Variants in MICAL3 observed in about 807,000 individuals in gnomAD.
MICAL3 encodes the protein [F-actin]-monooxygenase MICAL3.
A neutral mutation model predicts 207.4 loss-of-function variants in MICAL3; 62 were observed. The ratio of observed to expected loss-of-function variants is 0.30; its 90% CI spans 0.24 to 0.37. The LOEUF (loss-of-function observed/expected upper bound fraction) is 0.37. Among genes scored for constraint, MICAL3 ranks in the 10% least tolerant of loss-of-function variants. The pLI is 1.00. For synonymous variants in MICAL3, 1,077 were observed against 1,069.3 expected, an observed-to-expected ratio of 1.01 and a Z score of -0.14; for missense variants, 2,368 against 2,635.6, an observed-to-expected ratio of 0.90 and a Z score of 2.22.
chr22:17,897,867 C>T (rs911968832), intron 7 of MICAL3, among the ~76,000 whole-genome samples: 1 of 152,180 alleles, frequency 6.6e-6, no homozygotes, highest in South Asian at 2.1e-4. Context: ...GAACAAAGGA[C>T]TGAAAAACTC....
At chr22:17,844,824 G>T (rs768563) in intron 19 of MICAL3, among the ~76,000 whole-genome samples, 1 of 152,106 alleles carries the variant, frequency 6.6e-6, no homozygotes, top group South Asian at 2.1e-4. Context: ...ATGTGGACTA[G>T]AGGTAATGGC....
intron 29 of MICAL3, among the ~76,000 whole-genome samples, chr22:17,792,034 C>T (rs1003956093): frequency 6.6e-6 from 1 of 152,198 alleles, no homozygotes; most frequent in Non-Finnish European, 1.5e-5. Context: ...CTGGTGGCTG[C>T]CTGCTAGCTC....
intron 26 of MICAL3, 31 bp downstream of exon 26, chr22:17,817,280 T>C: frequency 1.3e-6 from 2 of 1,496,334 alleles, no homozygotes; most frequent in Non-Finnish European, 1.8e-6. Context: ...CCTCCCGCTC[T>C]GCCTGCACGC....
chr22:17,943,991 C>A (rs1034645906), intron 1 of MICAL3, among the ~76,000 whole-genome samples: 14 of 152,224 alleles, frequency 9.2e-5, no homozygotes, highest in Non-Finnish European at 1.8e-4. Context: ...TGCACTCCTG[C>A]CCCTCTCCAC....
intron 22 of MICAL3, among the ~76,000 whole-genome samples, chr22:17,826,043 T>G (rs1282536833): frequency 6.6e-6 from 1 of 152,174 alleles, no homozygotes; most frequent in East Asian, 1.9e-4. Context: ...ATAAACCCCC[T>G]GGTTTTGACA....
intron 1 of MICAL3, among the ~76,000 whole-genome samples, chr22:17,975,919 T>C (rs1745725287): frequency 6.6e-6 from 1 of 152,072 alleles, no homozygotes; most frequent in African/African-American, 2.4e-5. Flanking sequence ...GGCGTGGCAG[T>C]ACATACCTGT....
At chr22:17,939,342 G>C (rs866149063) in intron 1 of MICAL3, among the ~76,000 whole-genome samples, 63 of 152,328 alleles carry the variant, frequency 4.1e-4, no homozygotes, top group Admixed American at 8.5e-4. Flanking sequence ...GACAAAGTGG[G>C]TCAGGGAACA....
intron 19 of MICAL3, among the ~76,000 whole-genome samples, chr22:17,859,790 T>C (rs766414227): frequency 3.3e-5 from 5 of 152,168 alleles, no homozygotes; most frequent in Admixed American, 3.3e-4. Context: ...GTCCCTATGG[T>C]TGACCAGGCT....
chr22:17,893,868 T>C lies in MICAL3; in HGVS notation c.1486A>G (p.Ile496Val). 6.4e-7 allele frequency: 1 copy of C among 1,569,462 alleles called. No homozygotes were observed. Residue 496 changes from isoleucine (I) to valine (V), a missense_variant, in exon 11 of 32, where the codon ATT (isoleucine) becomes GTT (valine). Physicochemically the swap from Ile to Val is conservative, Grantham distance 29. Transcript: ENST00000441493. Reference protein sequence around the residue: ...HLYDTGETKDIHLEMESLVNS... With the variant: ...HLYDTGETKDVHLEMESLVNS... ...ACCAGGCTCTCCATTTCCAGGTGAA[T>C]ATCTTTTGTTTCGCCAGTATCATAT...
At chr22:18,005,921 T>C (rs1298638829) in intron 1 of MICAL3, 1 of 152,176 alleles carries the variant, frequency 6.6e-6, no homozygotes, top group Non-Finnish European at 1.5e-5. Flanking sequence ...CCTCACAGGG[T>C]TGGAGAGCCT....
chr22:17,855,016 C>T (rs1317816926), intron 19 of MICAL3, among the ~76,000 whole-genome samples: 1 of 152,214 alleles, frequency 6.6e-6, no homozygotes, highest in Non-Finnish European at 1.5e-5. Context: ...AACCTCCAAC[C>T]TGAGAGCTCT....
chr22:17,920,789 TTC>T (rs1221384889), intron 1 of MICAL3, among the ~76,000 whole-genome samples: 1 of 152,138 alleles, frequency 6.6e-6, no homozygotes, highest in African/African-American at 2.4e-5. Context: ...TCTCAGACCC[TTC>T]TCTGTTCTCC....
At chr22:17,921,726 T>C (rs921655715) in intron 1 of MICAL3, among the ~76,000 whole-genome samples, 1 of 152,150 alleles carries the variant, frequency 6.6e-6, no homozygotes, top group Admixed American at 6.5e-5. Flanking sequence ...TGGCCTCAAG[T>C]GATCCACCCA....
chr22:17,891,349 C>A, intron 12 of MICAL3, 136 bp downstream of exon 12: 1 of 705,970 alleles, frequency 1.4e-6, no homozygotes, highest in Non-Finnish European at 2.4e-6. Flanking sequence ...ATAGTGAAAT[C>A]AAAATCACTG....
chr22:18,022,208 A>G (rs1163759398), intron 1 of MICAL3, among the ~76,000 whole-genome samples: 5 of 151,746 alleles, frequency 3.3e-5, no homozygotes, highest in South Asian at 2.1e-4. Flanking sequence ...TTTGCCGCCC[A>G]CCCCCAGTCT....
At chr22:17,812,633 C>T (rs1210744860) in intron 27 of MICAL3, 1 of 707,224 alleles carries the variant, frequency 1.4e-6, no homozygotes, top group Non-Finnish European at 1.7e-6. Flanking sequence ...AAATTAAGAA[C>T]ACAGAAATGG....
intron 1 of MICAL3, among the ~76,000 whole-genome samples, chr22:17,908,055 G>GT (rs2146271133): frequency 6.6e-6 from 1 of 152,228 alleles, no homozygotes; most frequent in East Asian, 1.9e-4. Context: ...CTGCAGAATC[G>GT]TTTTTGCGTC....
In MICAL3 at chr22:17,790,551, C is replaced by G. The variant is rs2061815359; in HGVS notation, c.*181G>C. ...CAGGAGGTGGAGCCGTCTCAGATAACCACTGTCACCTGGGGCTCCCCACTG... is the reference window on the plus strand; with the variant it reads ...CAGGAGGTGGAGCCGTCTCAGATAAGCACTGTCACCTGGGGCTCCCCACTG... On this transcript the variant is annotated 3_prime_UTR_variant, in exon 32 of 32. Coordinates refer to ENST00000441493, the MANE Select transcript of MICAL3 (RefSeq NM_015241.3). The G allele has an allele frequency of 1.6e-6, 1 of 612,446 alleles. No individual in the cohort carries two copies. Among genetic ancestry groups the G allele is most frequent in the South Asian group, 2.0e-5 (1 of 48,806 alleles). 37.9% of individuals were successfully genotyped at this position (612,446 alleles called of 1,614,324 possible). A position where few individuals can be genotyped will look rare whatever the true frequency, so the allele number is the denominator to read the frequency against.
chr22:17,957,730 G>A (rs1199042513), intron 1 of MICAL3, among the ~76,000 whole-genome samples: 1 of 144,178 alleles, frequency 6.9e-6, no homozygotes, highest in East Asian at 1.9e-4. Flanking sequence ...AAAAAAAAGA[G>A]AGAGAAAGAA....
Sources: gnomAD v4.1 joint callset for allele counts (sites outside exome capture counted in the v4.1 genomes callset) on GRCh38, gnomAD v4.1.1 for gene constraint, MANE v1.5 for transcripts, NCBI Gene and HGNC (gene_info 2026-07-23, HGNC 2026-07-21) for gene names.